Variants in ATXN7L1 observed in about 807,000 individuals in gnomAD.
ATXN7L1 encodes the protein ataxin 7 like 1.
A neutral mutation model predicts 70.8 loss-of-function variants in ATXN7L1; 15 were observed. That is an observed-to-expected ratio of 0.21 (90% CI 0.14 to 0.33). The LOEUF is 0.33. ATXN7L1 is among the 10% of genes least tolerant of loss of function. The probability of loss-of-function intolerance (pLI) is 1.00; values close to 1 mark genes in which losing one functional copy is unlikely to be tolerated. For missense variants in ATXN7L1, 975 were observed against 1,097.1 expected (o/e 0.89, Z 1.57); for synonymous variants, 440 against 445.1 (o/e 0.99, Z 0.14).
At chr7:105,612,408 G>A (rs1313653324) in intron 10 of ATXN7L1, among the ~76,000 whole-genome samples, 3 of 152,212 alleles carry the variant, frequency 2.0e-5, no homozygotes, top group Admixed American at 6.5e-5. Flanking sequence ...TGTTCAAGGC[G>A]TGGCCTGGGA....
In ATXN7L1 at chr7:105,638,404, G is replaced by C. The variant is rs1797693220; in HGVS notation, c.1151C>G (p.Pro384Arg). Residue 384 changes from proline to arginine, a missense_variant, in exon 7 of 12, where the codon CCA (proline) becomes CGA (arginine). Physicochemically the swap from Pro to Arg is moderately radical, Grantham distance 103 (BLOSUM62 -2). Around this residue, in one of 5 missense-constraint regions of ATXN7L1, gnomAD observed 635 missense variants for 699.4 expected, o/e 0.91. Coordinates refer to ENST00000419735, the MANE Select transcript of ATXN7L1 (RefSeq NM_020725.2). ...LGSSGSSGPE[P>R]KVASPAKSRP... is the part of the protein sequence containing the mutation. ...GGATTTTGCAGGGGATGCAACTTTT[G>C]GTTCTGGCCCAGAGCTCCCTGAAGA... 2 of 1,552,090 alleles carry C rather than the reference G, an allele frequency of 1.3e-6. No homozygotes were observed. Among genetic ancestry groups the C allele is most frequent in the Non-Finnish European group, 8.7e-7 (1 of 1,147,118 alleles).
chr7:105,770,591 C>T (rs953508129), intron 3 of ATXN7L1, among the ~76,000 whole-genome samples: 1 of 152,130 alleles, frequency 6.6e-6, no homozygotes, highest in South Asian at 2.1e-4. Flanking sequence ...AGAGGGACAG[C>T]AGAGGAAATG....
intron 3 of ATXN7L1, among the ~76,000 whole-genome samples, chr7:105,779,897 G>C (rs187074207): frequency 8.5e-5 from 13 of 152,232 alleles, no homozygotes; most frequent in African/African-American, 3.1e-4. Flanking sequence ...AAAAAATCTA[G>C]TCATATAAAA....
chr7:105,647,400 C>A (rs369415056), intron 4 of ATXN7L1, among the ~76,000 whole-genome samples: 2 of 152,244 alleles, frequency 1.3e-5, no homozygotes, highest in South Asian at 2.1e-4. Flanking sequence ...GTAATCCCAG[C>A]ACTTTGGGAG....
intron 3 of ATXN7L1, among the ~76,000 whole-genome samples, chr7:105,710,786 AACTC>A (rs1793809920): frequency 6.6e-6 from 1 of 152,152 alleles, no homozygotes; most frequent in East Asian, 1.9e-4. Flanking sequence ...ATCTTGTGAG[AACTC>A]ACTCACTATC....
Position 105,642,998 on chromosome 7 carries a change from G to A in ATXN7L1, c.702C>T (p.Ala234=), listed in dbSNP as rs571415759. ...AVSASSTSSS[A]VSTPPLIKPV... ...GCTTAATTAAAGGAGGGGTGGAGAC[G>A]GCAGAGGACGAGGTGGAGGAGGCAG... The change falls in exon 5 of 12, where the codon GCC becomes GCT. Residue 234 remains alanine (A), a synonymous_variant. Coordinates refer to ENST00000419735, the MANE Select transcript of ATXN7L1 (RefSeq NM_020725.2). The A allele has an allele frequency of 1.0e-4, 162 of 1,551,772 alleles. 2 individuals are homozygous for A. In the South Asian group the frequency reaches 1.6e-3, roughly 15 times the overall value.
intron 3 of ATXN7L1, among the ~76,000 whole-genome samples, chr7:105,770,743 C>G (rs562470302): frequency 5.0e-4 from 76 of 152,266 alleles, no homozygotes; most frequent in Admixed American, 2.1e-3. Context: ...AACCCCAACC[C>G]CTTCAAAGAG....
intron 2 of ATXN7L1, among the ~76,000 whole-genome samples, chr7:105,792,603 C>T (rs766287983): frequency 4.6e-5 from 7 of 152,200 alleles, no homozygotes; most frequent in Middle Eastern, 3.2e-3. Context: ...GCAAAACGTT[C>T]GGTGCACAGT....
intron 2 of ATXN7L1, among the ~76,000 whole-genome samples, chr7:105,870,490 A>G: frequency 6.6e-6 from 1 of 152,212 alleles, no homozygotes; most frequent in East Asian, 1.9e-4. Flanking sequence ...GTAAAAGCCA[A>G]CATTCATTAA....
chr7:105,827,180 G>A (rs1810989914), intron 2 of ATXN7L1, among the ~76,000 whole-genome samples: 1 of 152,224 alleles, frequency 6.6e-6, no homozygotes, highest in Non-Finnish European at 1.5e-5. Flanking sequence ...GACAGTCAAA[G>A]TGGCATCCAT....
At chr7:105,813,818 T>C (rs928147370) in intron 2 of ATXN7L1, among the ~76,000 whole-genome samples, 3 of 152,086 alleles carry the variant, frequency 2.0e-5, no homozygotes, top group African/African-American at 7.2e-5. Flanking sequence ...TCTCTCTCTC[T>C]TTTTTTCCCC....
intron 2 of ATXN7L1, among the ~76,000 whole-genome samples, chr7:105,868,177 C>T (rs1029893732): frequency 6.6e-5 from 10 of 152,154 alleles, no homozygotes. Context: ...CATAAAATTT[C>T]CTCTGGGAGG....
chr7:105,778,783 C>T (rs1803134063), intron 3 of ATXN7L1, among the ~76,000 whole-genome samples: 1 of 152,196 alleles, frequency 6.6e-6, no homozygotes, highest in Non-Finnish European at 1.5e-5. Flanking sequence ...GTGGTACCCA[C>T]TCCATCTCTT....
chr7:105,696,387 G>T (rs974347777), intron 3 of ATXN7L1, among the ~76,000 whole-genome samples: 1 of 152,204 alleles, frequency 6.6e-6, no homozygotes, highest in African/African-American at 2.4e-5. Context: ...TCTTGGCACG[G>T]AAACTCGTTT....
At chr7:105,624,023 GTCTGCAA>G in intron 8 of ATXN7L1, 45 bp downstream of exon 8, 3 of 1,331,030 alleles carry the variant, frequency 2.3e-6, no homozygotes, top group Non-Finnish European at 2.9e-6. Flanking sequence ...TCACCTAAGT[GTCTGCAA>G]AGCACAGGCG....
chr7:105,721,579 C>G (rs891983642), intron 3 of ATXN7L1, among the ~76,000 whole-genome samples: 1 of 152,242 alleles, frequency 6.6e-6, no homozygotes, highest in African/African-American at 2.4e-5. Context: ...CCTCCCAGGG[C>G]TCTGGTCGGG....
chr7:105,819,710 C>A, intron 2 of ATXN7L1: 2 of 898,424 alleles, frequency 2.2e-6, no homozygotes, highest in Non-Finnish European at 3.7e-6. Flanking sequence ...CCTACCACTT[C>A]CGGGCCTCTA....
intron 2 of ATXN7L1, among the ~76,000 whole-genome samples, chr7:105,858,109 T>C (rs1207646806): frequency 6.6e-6 from 1 of 152,102 alleles, no homozygotes; most frequent in Non-Finnish European, 1.5e-5. Context: ...TATGTGCCTG[T>C]AGCCCCAGTT....
At chr7:105,798,145 A>T (rs1806271756) in intron 2 of ATXN7L1, among the ~76,000 whole-genome samples, 1 of 152,216 alleles carries the variant, frequency 6.6e-6, no homozygotes, top group Admixed American at 6.5e-5. Context: ...AAGGGAATCT[A>T]AGGCATGATC....
Sources: allele counts gnomAD v4.1 joint callset (sites outside exome capture counted in the v4.1 genomes callset), GRCh38; gene constraint gnomAD v4.1.1; regional missense constraint gnomAD v4.1.1; transcripts MANE v1.5; gene names NCBI Gene and HGNC (gene_info 2026-07-23, HGNC 2026-07-21).